Variants in CALCOCO1 observed in about 807,000 individuals in gnomAD.
CALCOCO1 encodes calcium binding and coiled-coil domain 1.
A neutral mutation model predicts 86.3 loss-of-function variants in CALCOCO1; 44 were observed. The ratio of observed to expected loss-of-function variants is 0.51; its 90% CI spans 0.40 to 0.66. The LOEUF is 0.66. Among genes scored for constraint, CALCOCO1 ranks in the 30% least tolerant of loss-of-function variants. The pLI, the probability that CALCOCO1 is intolerant of heterozygous loss-of-function variation, is 0.00. For missense variants in CALCOCO1, 708 were observed against 851.1 expected (o/e 0.83, Z 2.09); for synonymous variants, 297 against 327.6 (o/e 0.91, Z 1.01).
chr12:53,713,557 T>G (rs1463348097), intron 13 of CALCOCO1, 144 bp downstream of exon 13: 1 of 771,538 alleles, frequency 1.3e-6, no homozygotes, highest in African/African-American at 1.7e-5. Flanking sequence ...CCAGCTACTC[T>G]TGGGAGACTG....
rs1364360042 is a variant in CALCOCO1 at position 53,724,834 on chromosome 12, G to C, written c.157-87C>G. On this transcript the variant is annotated intron_variant, in intron 2 of 14. Coordinates refer to ENST00000550804, the MANE Select transcript of CALCOCO1 (RefSeq NM_020898.3). ...AAGGGCTGAGGGGTTGAATAAGGGG[G>C]GCAGGATGGAGCTACAGTGGCAACA... 7 of 1,088,746 alleles carry C rather than the reference G, an allele frequency of 6.4e-6. No homozygotes were observed. In the African/African-American group the frequency reaches 7.8e-5, roughly 12 times the overall value. 67.4% of individuals were successfully genotyped at this position (1,088,746 alleles called of 1,614,324 possible).
At chr12:53,721,733 G>T in intron 5 of CALCOCO1, 118 bp from the exon 6 acceptor site, 1 of 1,266,674 alleles carries the variant, frequency 7.9e-7, no homozygotes, top group Non-Finnish European at 1.1e-6. Flanking sequence ...CTATCACATT[G>T]CCTTCCTTGA....
chr12:53,715,507 G>T (rs1044927289), intron 9 of CALCOCO1, among the ~76,000 whole-genome samples, 182 bp from the exon 10 acceptor site: 1 of 152,140 alleles, frequency 6.6e-6, no homozygotes, highest in Admixed American at 6.5e-5. Context: ...ATGACGGCAG[G>T]TGCTGCTTGA....
rs1406406963 is a variant in CALCOCO1, at chr12:53,708,632, A to G, written c.*3312T>C. On this transcript the variant is annotated 3_prime_UTR_variant, in exon 15 of 15. Transcript: ENST00000550804. ...ATAAAACATTTCATTAAAATAACTT[A>G]AAGATTATTTCTGGAGGACTGGTCC... 1 of 152,150 alleles carries G rather than the reference A, an allele frequency of 6.6e-6. No homozygotes were observed. The highest frequency in any genetic ancestry group is 1.5e-5 in the Non-Finnish European group (1 of 68,042). 9.4% of individuals were successfully genotyped at this position (152,150 alleles called of 1,614,324 possible).
intron 1 of CALCOCO1, chr12:53,725,557 G>A (rs1273442498): frequency 4.6e-5 from 9 of 194,694 alleles, no homozygotes; most frequent in African/African-American, 2.3e-5. Flanking sequence ...GGACACTGAC[G>A]GGGACAGAGC....
At chr12:53,712,332 C>T in intron 14 of CALCOCO1, 1 of 545,312 alleles carries the variant, frequency 1.8e-6, no homozygotes, top group Non-Finnish European at 3.2e-6. Context: ...TTAGTCCCTG[C>T]TGGTCTCTGC....
At position 53,724,640 on chromosome 12, in the gene CALCOCO1, T is replaced by C. The variant is rs899516097; in HGVS notation, c.259+5A>G. On this transcript the variant is annotated splice_donor_5th_base_variant and intron_variant, in intron 3 of 14. Coordinates refer to ENST00000550804, the MANE Select transcript of CALCOCO1 (RefSeq NM_020898.3). The stretch of plus-strand genomic sequence containing the variant: ...TCTCTCCCAATTTTCCATCTTCCCT[T>C]GTACCTTGGAACTGGACACTGGTGT... 4 of 1,611,592 alleles carry C rather than the reference T, an allele frequency of 2.5e-6. No homozygotes were observed. The highest frequency in any genetic ancestry group is 1.6e-4 in the Middle Eastern group (1 of 6,080).
In CALCOCO1 at chr12:53,727,040, GGGATTCA is replaced by G. The variant is rs1946053540; in HGVS notation, c.-25+357_-25+363del. Among the ~76,000 whole-genome samples the G allele has an allele frequency of 2.0e-5, 3 of 152,130 alleles. No homozygotes were observed. In the South Asian group the frequency reaches 6.2e-4, roughly 31 times the overall value. On this transcript the variant is annotated intron_variant, in intron 1 of 14. Transcript: ENST00000550804. Reference sequence around the variant, plus strand: ...CTTGGAAGGTCCCCCTTCCTCCCCAGGGATTCAGCGTCGTAAAGGCCTTTGGATTTGC... The same window carrying G: ...CTTGGAAGGTCCCCCTTCCTCCCCAGGCGTCGTAAAGGCCTTTGGATTTGC...
Position 53,722,058 on chromosome 12 carries a change from C to G in CALCOCO1, c.576G>C (p.Arg192Ser). Residue 192 changes from arginine (R) to serine (S), a missense_variant, in exon 5 of 15, where the codon AGG (arginine) becomes AGC (serine). Transcript: ENST00000550804. ...QELERALATA[R>S]QEHTELMEQY... Reference sequence around the variant, plus strand: ...GTTCCATCAGCTCCGTGTGCTCCTGCCTGGCAGTTGCCAGAGCCCTCTCGA... The same window carrying G: ...GTTCCATCAGCTCCGTGTGCTCCTGGCTGGCAGTTGCCAGAGCCCTCTCGA... The G allele has an allele frequency of 6.2e-7, 1 of 1,613,756 alleles. No homozygotes were observed. The highest frequency in any genetic ancestry group is 8.5e-7 in the Non-Finnish European group (1 of 1,180,038).
At chr12:53,717,360 C>T (rs555342082) in intron 7 of CALCOCO1, among the ~76,000 whole-genome samples, 1 of 152,350 alleles carries the variant, frequency 6.6e-6, no homozygotes, top group African/African-American at 2.4e-5. Context: ...GGCCACTACA[C>T]CTGGCCATAA....
At chr12:53,716,983 A>C (rs1945743723) in intron 7 of CALCOCO1, among the ~76,000 whole-genome samples, 1 of 152,192 alleles carries the variant, frequency 6.6e-6, no homozygotes, top group African/African-American at 2.4e-5. Context: ...TGGACTACTG[A>C]ATAACTTCAT....
At chr12:53,712,717 C>T in intron 14 of CALCOCO1, 2 of 975,494 alleles carry the variant, frequency 2.1e-6, no homozygotes, top group Non-Finnish European at 2.8e-6. Flanking sequence ...TCTCTCTGCT[C>T]CTATCCCTGG....
Position 53,711,775 on chromosome 12 carries a change from T to C in CALCOCO1, c.*169A>G. Reference sequence around the variant, plus strand: ...GACAAAAGAGCCAGGTAGGAGAGGATGAAGTGAGAAATCTTGGGATGAAAA... The same window carrying C: ...GACAAAAGAGCCAGGTAGGAGAGGACGAAGTGAGAAATCTTGGGATGAAAA... On this transcript the variant is annotated 3_prime_UTR_variant, in exon 15 of 15. Transcript: ENST00000550804. 1.8e-6 allele frequency: 1 copy of C among 555,570 alleles called. No homozygotes were observed. The highest frequency in any genetic ancestry group is 3.8e-5 in the South Asian group (1 of 26,102). 34.4% of individuals were successfully genotyped at this position (555,570 alleles called of 1,614,324 possible).
chr12:53,714,947 G>A (rs188399241), intron 10 of CALCOCO1, among the ~76,000 whole-genome samples: 1 of 152,290 alleles, frequency 6.6e-6, no homozygotes, highest in Non-Finnish European at 1.5e-5. Flanking sequence ...AGGCTGGGGT[G>A]CAGAGGCCTT....
intron 4 of CALCOCO1, 43 bp downstream of exon 4, chr12:53,723,550 C>T: frequency 1.2e-6 from 2 of 1,603,140 alleles, no homozygotes; most frequent in East Asian, 2.2e-5. Context: ...AATGCTGTCT[C>T]CCACTCCCTT....
At chr12:53,712,719 T>C in intron 14 of CALCOCO1, 2 of 993,900 alleles carry the variant, frequency 2.0e-6, no homozygotes, top group Admixed American at 2.8e-5. Context: ...TCTCTGCTCC[T>C]ATCCCTGGGG....
chr12:53,711,947 C>T lies in CALCOCO1; in HGVS notation c.2073G>A (p.Glu691=), dbSNP rs1945566159. Residue 691 remains glutamate (E), a synonymous_variant, in exon 15 of 15, where the codon GAG becomes GAA. Transcript: ENST00000550804. ...GTGCATGTACGAGGGAGTAAGATCA[C>T]TCAAAGGTGAAGGGGTCCTGGGTGC... ...FFSTQDPFTF[E] is the part of the protein sequence containing the mutation. 6.4e-7 allele frequency: 1 copy of T among 1,563,964 alleles called. No homozygotes were observed. Among genetic ancestry groups the T allele is most frequent in the Non-Finnish European group, 8.6e-7 (1 of 1,156,184 alleles).
At chr12:53,715,008 C>A (rs1353801974) in intron 10 of CALCOCO1, among the ~76,000 whole-genome samples, 192 bp downstream of exon 10, 1 of 152,142 alleles carries the variant, frequency 6.6e-6, no homozygotes, top group Non-Finnish European at 1.5e-5. Context: ...CTCTACTGGG[C>A]CCAGATGTGT....
At chr12:53,716,191 G>A (rs1945720778) in intron 8 of CALCOCO1, 69 bp downstream of exon 8, 2 of 1,596,470 alleles carry the variant, frequency 1.3e-6, no homozygotes, top group African/African-American at 1.3e-5. Flanking sequence ...CTTCTCTTTA[G>A]ACACGCAGGC....
Sources: allele counts gnomAD v4.1 joint callset (sites outside exome capture counted in the v4.1 genomes callset), GRCh38; gene constraint gnomAD v4.1.1; transcripts MANE v1.5; gene names NCBI Gene and HGNC (gene_info 2026-07-23, HGNC 2026-07-21).